The following SIK3 variants were observed in gnomAD, a reference collection of about 807,000 sequenced individuals.
SIK3 encodes the protein SIK family kinase 3.
A neutral mutation model predicts 144.2 loss-of-function variants in SIK3; 28 were observed. The ratio of observed to expected loss-of-function variants is 0.19; its 90% CI spans 0.14 to 0.27. The LOEUF (loss-of-function observed/expected upper bound fraction) is 0.27. Ranked by LOEUF, SIK3 falls within the 10% of genes least tolerant of loss-of-function variation. The pLI is 1.00. For missense variants in SIK3, 1,319 were observed against 1,776.0 expected (o/e 0.74, Z 4.62); for synonymous variants, 686 against 676.3 (o/e 1.01, Z -0.22).
At chr11:116,997,307 G>C (rs1950702567) in intron 1 of SIK3, among the ~76,000 whole-genome samples, 1 of 152,222 alleles carries the variant, frequency 6.6e-6, no homozygotes, top group Non-Finnish European at 1.5e-5. Context: ...CAGGTGGGCA[G>C]TCAGTCTGCT....
rs1941958847 is a variant in SIK3, at chr11:116,846,383, T to C, written c.*13A>G. 1 of 1,613,632 alleles carries C rather than the reference T, an allele frequency of 6.2e-7. No homozygotes were observed. Among genetic ancestry groups the C allele is most frequent in the Admixed American group, 1.7e-5 (1 of 60,014 alleles). On this transcript the variant is annotated splice_region_variant and 3_prime_UTR_variant, in exon 24 of 25. Transcript: ENST00000445177. This position sits in a 1 kb window ranked among gnomAD's most constrained non-coding sequence, Gnocchi z 4.1. ...TGGCTCTGGCCAGGGTGACACTCAC[T>C]CTCTGTTTCTTGTTACACGCCTGCC...
intron 4 of SIK3, among the ~76,000 whole-genome samples, chr11:116,921,911 G>GGAAT (rs1947001658): frequency 6.6e-6 from 1 of 151,146 alleles, no homozygotes; most frequent in Non-Finnish European, 1.5e-5. Flanking sequence ...CATAAACAGT[G>GGAAT]GAACAATGGT....
At chr11:117,055,356 A>G (rs1327769403) in intron 1 of SIK3, among the ~76,000 whole-genome samples, 1 of 152,242 alleles carries the variant, frequency 6.6e-6, no homozygotes, top group African/African-American at 2.4e-5. Context: ...TTTTACACAC[A>G]TTATTCATTT....
intron 1 of SIK3, among the ~76,000 whole-genome samples, chr11:117,038,912 TG>T (rs1183881873): frequency 6.6e-6 from 1 of 151,652 alleles, no homozygotes; most frequent in African/African-American, 2.4e-5. Context: ...TAGCCAGGCA[TG>T]GTGGTGTGTG....
chr11:116,857,612 C>T (rs984204609), intron 21 of SIK3, 198 bp downstream of exon 21: 1 of 782,496 alleles, frequency 1.3e-6, no homozygotes, highest in South Asian at 2.1e-5. Context: ...AATTTTGTAT[C>T]ATGGTCCTTT....
At chr11:116,892,970 T>A (rs899113344) in intron 6 of SIK3, among the ~76,000 whole-genome samples, 4 of 152,172 alleles carry the variant, frequency 2.6e-5, no homozygotes, top group African/African-American at 9.7e-5. Context: ...AAAGGCTGCA[T>A]CCTGTATGTT....
intron 4 of SIK3, chr11:116,904,715 T>TAAAA (rs1945930648): frequency 6.6e-6 from 1 of 152,340 alleles, no homozygotes; most frequent in Admixed American, 6.5e-5. Context: ...TAAAATGTTA[T>TAAAA]TCTTTTTTCT....
At chr11:116,889,078 G>A (rs1196611474) in intron 6 of SIK3, among the ~76,000 whole-genome samples, 2 of 152,134 alleles carry the variant, frequency 1.3e-5, no homozygotes, top group Non-Finnish European at 2.9e-5. Context: ...TGCTCTTTTT[G>A]CAACAGTATG....
At chr11:116,995,105 A>G (rs1324696920) in intron 1 of SIK3, among the ~76,000 whole-genome samples, 3 of 151,802 alleles carry the variant, frequency 2.0e-5, no homozygotes, top group South Asian at 4.2e-4. Context: ...TTGTCTCTAC[A>G]AAAATACAAA....
At chr11:117,021,489 C>CA (rs1380471986) in intron 1 of SIK3, among the ~76,000 whole-genome samples, 3 of 152,028 alleles carry the variant, frequency 2.0e-5, no homozygotes, top group African/African-American at 7.2e-5. Context: ...TAGGGAGGAA[C>CA]AAAAAAGTGA....
intron 1 of SIK3, among the ~76,000 whole-genome samples, chr11:116,997,936 T>C (rs754692111): frequency 5.9e-5 from 9 of 152,140 alleles, no homozygotes; most frequent in Non-Finnish European, 1.2e-4. Context: ...CATAGCTCAT[T>C]GCAGCTTTAA....
intron 1 of SIK3, among the ~76,000 whole-genome samples, chr11:117,045,012 T>C (rs1479029053): frequency 1.3e-5 from 2 of 152,222 alleles, no homozygotes; most frequent in Non-Finnish European, 2.9e-5. Flanking sequence ...ATGGGGACCA[T>C]ATTTAAGAAC....
intron 6 of SIK3, among the ~76,000 whole-genome samples, chr11:116,885,680 A>G (rs562797664): frequency 6.6e-6 from 1 of 152,314 alleles, no homozygotes; most frequent in South Asian, 2.1e-4. Context: ...AAATATATCC[A>G]TTCTATGACT....
At chr11:117,022,562 G>C (rs1951823600) in intron 1 of SIK3, among the ~76,000 whole-genome samples, 1 of 152,104 alleles carries the variant, frequency 6.6e-6, no homozygotes. Context: ...AGGGTCTCAG[G>C]GCAGAGTGGA....
chr11:117,006,320 C>T (rs190166140), intron 1 of SIK3, among the ~76,000 whole-genome samples: 94 of 152,308 alleles, frequency 6.2e-4, no homozygotes, highest in African/African-American at 1.9e-3. Context: ...GGCAGAGATT[C>T]CATATCTACC....
At chr11:116,934,472 A>G (rs1050100121) in intron 3 of SIK3, among the ~76,000 whole-genome samples, 5 of 152,226 alleles carry the variant, frequency 3.3e-5, no homozygotes, top group African/African-American at 1.2e-4. Flanking sequence ...TGTACTTGGC[A>G]TACAAGCAAA....
chr11:116,897,366 A>C, intron 4 of SIK3, 49 bp from the exon 5 acceptor site: 1 of 1,528,106 alleles, frequency 6.5e-7, no homozygotes, highest in South Asian at 1.2e-5. Context: ...CTTTTATTAT[A>C]ACTGAGCAAA....
intron 1 of SIK3, among the ~76,000 whole-genome samples, chr11:117,009,740 T>C (rs7112937): frequency 0.15 from 23,000 of 152,126 alleles, 2,468 homozygotes; most frequent in African/African-American, 0.3. Flanking sequence ...AGAGATTCCC[T>C]ACTTAATGAT....
At chr11:117,034,400 AT>A (rs1952401319) in intron 1 of SIK3, among the ~76,000 whole-genome samples, 1 of 152,214 alleles carries the variant, frequency 6.6e-6, no homozygotes, top group South Asian at 2.1e-4. Context: ...AAGATCTCAA[AT>A]TTTCTCAGTG....
Sources: gnomAD v4.1 joint callset for allele counts (sites outside exome capture counted in the v4.1 genomes callset) on GRCh38, gnomAD v4.1.1 for gene constraint, Gnocchi (gnomAD v3.1) non-coding constraint, MANE v1.5 for transcripts, NCBI Gene and HGNC (gene_info 2026-07-23, HGNC 2026-07-21) for gene names.